Variants in PTPN4 observed in about 807,000 individuals in gnomAD.
PTPN4 encodes tyrosine-protein phosphatase non-receptor type 4.
A neutral mutation model predicts 135.5 loss-of-function variants in PTPN4; 49 were observed. The observed-to-expected ratio is 0.36, with a 90% CI of 0.29 to 0.46. The LOEUF is 0.46. Ranked by LOEUF, PTPN4 falls within the 20% of genes least tolerant of loss-of-function variation. The pLI is 1.00. For synonymous variants in PTPN4, 333 were observed against 369.9 expected (o/e 0.90, Z 1.14); for missense variants, 860 against 1,101.0 (o/e 0.78, Z 3.10).
At chr2:119,869,124 A>AC (rs144588245) in intron 3 of PTPN4, among the ~76,000 whole-genome samples, 3,867 of 152,342 alleles carry the variant, frequency 0.025, 166 homozygotes, top group African/African-American at 0.087. Context: ...ATGAAAAGTA[A>AC]CTGCTGTGTA....
chr2:119,981,091 T>G lies in PTPN4; in HGVS notation c.*4021T>G, dbSNP rs1477410786. On this transcript the variant is annotated 3_prime_UTR_variant, in exon 27 of 27. Coordinates refer to ENST00000263708, the MANE Select transcript of PTPN4 (RefSeq NM_002830.4). ...GTAAGGTTGCCAAAGTAATTTTGAATTCATAAAAATTGTTTATACCACAAT... is the reference window on the plus strand; with the variant it reads ...GTAAGGTTGCCAAAGTAATTTTGAAGTCATAAAAATTGTTTATACCACAAT... 6.6e-6 allele frequency: 1 copy of G among 152,096 alleles called. No homozygotes were observed. Among genetic ancestry groups the G allele is most frequent in the African/African-American group, 2.4e-5 (1 of 41,456 alleles). The allele number at this position is 152,096 out of a possible 1,614,324, so 9.4% of individuals were successfully genotyped here.
chr2:119,861,915 A>G (rs918315653), intron 2 of PTPN4, among the ~76,000 whole-genome samples: 1 of 152,192 alleles, frequency 6.6e-6, no homozygotes, highest in Non-Finnish European at 1.5e-5. Context: ...TACTTTGGCA[A>G]TGAAAATATT....
intron 8 of PTPN4, among the ~76,000 whole-genome samples, chr2:119,883,309 A>G (rs1678107117): frequency 6.6e-6 from 1 of 152,176 alleles, no homozygotes; most frequent in African/African-American, 2.4e-5. Flanking sequence ...TTCTATACCA[A>G]GATATTGCAT....
chr2:119,842,292 A>G (rs1677393353), intron 2 of PTPN4, among the ~76,000 whole-genome samples: 1 of 152,236 alleles, frequency 6.6e-6, no homozygotes, highest in Admixed American at 6.5e-5. Flanking sequence ...AAAGTCTTCA[A>G]ATTAATGAAT....
rs1178867036 is a variant in PTPN4 at position 119,934,880 on chromosome 2, C to T, written c.1277C>T (p.Thr426Ile). ...CATTTGGTAGACCATATGGTTCATA[C>T]TTCCCCAAGCGAAGTGTTTGTAAAT... ...VGHLVDHMVH[T>I]SPSEVFVNQR... The change falls in exon 15 of 27, where the codon ACT (threonine) becomes ATT (isoleucine). Residue 426 changes from threonine (T) to isoleucine (I), a missense_variant. Thr to Ile is a moderately conservative substitution (Grantham distance 89). Coordinates refer to ENST00000263708, the MANE Select transcript of PTPN4 (RefSeq NM_002830.4). 2.5e-6 allele frequency: 4 copies of T among 1,613,690 alleles called. No homozygotes were observed. Among genetic ancestry groups the T allele is most frequent in the Non-Finnish European group, 3.4e-6 (4 of 1,179,610 alleles).
Position 119,981,327 on chromosome 2 carries a change from A to G in PTPN4, c.*4257A>G, listed in dbSNP as rs1679689002. Reference sequence around the variant, plus strand: ...TGAGCTGCCACAGTTAATACTTTGTATTAACATTGCTTACTTCCCCCATTT... The same window carrying G: ...TGAGCTGCCACAGTTAATACTTTGTGTTAACATTGCTTACTTCCCCCATTT... On this transcript the variant is annotated 3_prime_UTR_variant, in exon 27 of 27. Coordinates refer to ENST00000263708, the MANE Select transcript of PTPN4 (RefSeq NM_002830.4). 2 of 152,246 alleles carry G rather than the reference A, an allele frequency of 1.3e-5. No individual in the cohort carries two copies. The highest frequency in any genetic ancestry group is 1.9e-4 in the East Asian group (1 of 5,190). The allele number at this position is 152,246 out of a possible 1,614,324, so 9.4% of individuals were successfully genotyped here.
intron 1 of PTPN4, among the ~76,000 whole-genome samples, chr2:119,772,173 A>C (rs984454127): frequency 6.6e-6 from 1 of 152,218 alleles, no homozygotes; most frequent in Admixed American, 6.5e-5. Flanking sequence ...TACTGTTTCC[A>C]GCCTAGCACA....
chr2:119,964,200 G>A (rs1361149204), intron 24 of PTPN4, among the ~76,000 whole-genome samples: 2 of 152,180 alleles, frequency 1.3e-5, no homozygotes, highest in African/African-American at 4.8e-5. Context: ...AGCTGATGGG[G>A]TGATTTACAG....
At chr2:119,779,616 C>CA (rs547628386) in intron 1 of PTPN4, among the ~76,000 whole-genome samples, 2,432 of 59,636 alleles carry the variant, frequency 0.041, 50 homozygotes, top group Non-Finnish European at 0.056. Context: ...GACTCCGTCT[C>CA]AAAAAAAAAA....
At chr2:119,767,426 C>T (rs904443106) in intron 1 of PTPN4, among the ~76,000 whole-genome samples, 4 of 152,320 alleles carry the variant, frequency 2.6e-5, no homozygotes, top group Admixed American at 6.5e-5. Flanking sequence ...CAAAACAGGA[C>T]AATCTCCTAC....
At chr2:119,848,179 C>CTT (rs560299244) in intron 2 of PTPN4, among the ~76,000 whole-genome samples, 5 of 138,806 alleles carry the variant, frequency 3.6e-5, no homozygotes, top group Non-Finnish European at 6.3e-5. Flanking sequence ...TTTTCTTTTT[C>CTT]TTTTTTTTTT....
In PTPN4 at chr2:119,979,634, T is replaced by C. The variant is rs1168888522; in HGVS notation, c.*2564T>C. The C allele has an allele frequency of 6.6e-6, 1 of 152,142 alleles. No homozygotes were observed. The highest frequency in any genetic ancestry group is 1.5e-5 in the Non-Finnish European group (1 of 67,986). 9.4% of individuals were successfully genotyped at this position (152,142 alleles called of 1,614,324 possible). On this transcript the variant is annotated 3_prime_UTR_variant, in exon 27 of 27. Transcript: ENST00000263708. ...TTTTTAACCTGTATATCAATCTAAA[T>C]AGGTTTCTAGAAATAATCCTAGCTT...
chr2:119,838,216 T>C (rs1160045377), intron 2 of PTPN4, among the ~76,000 whole-genome samples: 1 of 152,170 alleles, frequency 6.6e-6, no homozygotes, highest in African/African-American at 2.4e-5. Flanking sequence ...GTTTGCTTTT[T>C]TATTTCCAAC....
chr2:119,939,595 G>A (rs533327513), intron 15 of PTPN4, among the ~76,000 whole-genome samples: 15 of 152,224 alleles, frequency 9.9e-5, no homozygotes, highest in East Asian at 5.8e-4. Context: ...GTGAGCCACC[G>A]TGCCTGGCCA....
intron 2 of PTPN4, among the ~76,000 whole-genome samples, chr2:119,825,111 G>T (rs572443472): frequency 1.3e-5 from 2 of 152,278 alleles, no homozygotes; most frequent in African/African-American, 2.4e-5. Flanking sequence ...TTTTCAACTT[G>T]TGGAAATTAT....
intron 1 of PTPN4, among the ~76,000 whole-genome samples, chr2:119,789,081 TTTC>T (rs1462612227): frequency 1.3e-5 from 2 of 151,930 alleles, no homozygotes; most frequent in African/African-American, 4.8e-5. Context: ...ACTTGTTATT[TTTC>T]TTTTTTCTTT....
In PTPN4 at chr2:119,762,213, T is replaced by TA. The variant is rs575139083; in HGVS notation, c.-18+1836dup. Among the ~76,000 whole-genome samples, 4 of 152,100 alleles carry TA rather than the reference T, an allele frequency of 2.6e-5. No homozygotes were observed. In the East Asian group the frequency reaches 7.7e-4, roughly 29 times the overall value. ...CACTTCATTATTGTTGAAGGACTTT[T>TA]AAAAAAAGTATAGATCTCTCATACT... On this transcript the variant is annotated intron_variant, in intron 1 of 26. Transcript: ENST00000263708.
At chr2:119,908,746 A>T (rs184603005) in intron 10 of PTPN4, among the ~76,000 whole-genome samples, 1 of 152,330 alleles carries the variant, frequency 6.6e-6, no homozygotes, top group East Asian at 1.9e-4. Context: ...TGAGGAAGGC[A>T]TGTCAAAGTC....
At chr2:119,875,094 G>T (rs1461251556) in intron 3 of PTPN4, among the ~76,000 whole-genome samples, 1 of 152,066 alleles carries the variant, frequency 6.6e-6, no homozygotes, top group Non-Finnish European at 1.5e-5. Flanking sequence ...TTCATTGCCT[G>T]TTTTTCTATT....
Sources: gnomAD v4.1 joint callset for allele counts (sites outside exome capture counted in the v4.1 genomes callset) on GRCh38, gnomAD v4.1.1 for gene constraint, MANE v1.5 for transcripts, NCBI Gene and HGNC (gene_info 2026-07-23, HGNC 2026-07-21) for gene names.